Variants in VPS35 observed in about 807,000 individuals in gnomAD.
The protein encoded by VPS35 is VPS35 retromer complex component, also known as vacuolar protein sorting-associated protein 35.
Under a neutral mutation model 98.1 loss-of-function variants are expected in VPS35, and 21 were observed. That is an observed-to-expected ratio of 0.21 (90% CI 0.15 to 0.31). The LOEUF is 0.31. Ranked by LOEUF, VPS35 falls within the 10% of genes least tolerant of loss-of-function variation. The pLI, the probability that VPS35 is intolerant of heterozygous loss-of-function variation, is 1.00. For missense variants in VPS35, 554 were observed against 950.8 expected (o/e 0.58, Z 5.49); for synonymous variants, 268 against 318.2 (o/e 0.84, Z 1.68).
intron 1 of VPS35, among the ~76,000 whole-genome samples, chr16:46,685,946 C>A (rs979127310): frequency 1.3e-5 from 2 of 152,094 alleles, no homozygotes; most frequent in Admixed American, 1.3e-4. Context: ...TTTAAATGTA[C>A]AGTTCAGTGG....
At chr16:46,679,390 C>T (rs1966199351) in intron 5 of VPS35, among the ~76,000 whole-genome samples, 1 of 152,172 alleles carries the variant, frequency 6.6e-6, no homozygotes, top group Non-Finnish European at 1.5e-5. Flanking sequence ...AACTCCTCAT[C>T]CTGGGCCAAC....
intron 1 of VPS35, chr16:46,688,504 A>G (rs1567271464): frequency 2.0e-6 from 2 of 987,928 alleles, no homozygotes; most frequent in Non-Finnish European, 2.4e-6. Flanking sequence ...CAAATGCTAA[A>G]GTAAACAATC....
intron 16 of VPS35, chr16:46,660,990 T>C (rs765753084): frequency 2.7e-5 from 10 of 369,028 alleles, no homozygotes; most frequent in South Asian, 6.4e-5. Context: ...CTAGTAATAA[T>C]ACAAAAATTA....
rs1204778484 is a variant in VPS35 at position 46,657,180 on chromosome 16, T to C, written c.*3292A>G. On this transcript the variant is annotated 3_prime_UTR_variant, in exon 17 of 17. Transcript: ENST00000299138. ...TACTCTTGGGAATTCAAGTGTATGGTAAATGTGTAGATACTGGCACCTGAA... is the reference window on the plus strand; with the variant it reads ...TACTCTTGGGAATTCAAGTGTATGGCAAATGTGTAGATACTGGCACCTGAA... 6.6e-6 allele frequency: 1 copy of C among 152,192 alleles called. No homozygotes were observed. The highest frequency in any genetic ancestry group is 1.5e-5 in the Non-Finnish European group (1 of 68,050). The allele number at this position is 152,192 out of a possible 1,614,324, so 9.4% of individuals were successfully genotyped here.
At chr16:46,678,305 TAAAAAAAAAAAAAAAAAAAAAA>T (rs58288436) in intron 6 of VPS35, among the ~76,000 whole-genome samples, 3 of 119,358 alleles carry the variant, frequency 2.5e-5, no homozygotes, top group South Asian at 2.7e-4. Context: ...TGATGAGCTT[TAAAAAAAAAAAAAAAAAAAAAA>T]AAAAAAAGCA....
chr16:46,660,926 A>G, intron 16 of VPS35: 1 of 442,238 alleles, frequency 2.3e-6, no homozygotes, highest in South Asian at 1.8e-5. Flanking sequence ...TGGGCAGATC[A>G]CTTGAAGTCA....
chr16:46,664,977 C>G (rs908562154), intron 13 of VPS35, among the ~76,000 whole-genome samples: 3 of 152,140 alleles, frequency 2.0e-5, no homozygotes, highest in African/African-American at 7.2e-5. Flanking sequence ...TCTATATACA[C>G]TAAGCTTTAT....
At chr16:46,682,302 T>C in intron 2 of VPS35, 127 bp from the exon 3 acceptor site, 3 of 766,404 alleles carry the variant, frequency 3.9e-6, no homozygotes, top group Non-Finnish European at 6.6e-6. Context: ...TAAATGATTT[T>C]AACCACATTA....
rs748655024 is a variant in VPS35 at position 46,674,627 on chromosome 16, A to G, written c.948T>C (p.Pro316=). The G allele has an allele frequency of 8.1e-6, 13 of 1,611,808 alleles. No individual in the cohort carries two copies. In the South Asian group the frequency reaches 1.4e-4, roughly 18 times the overall value. The change falls in exon 9 of 17, where the codon CCT becomes CCC. Residue 316 remains proline, a synonymous_variant. Coordinates refer to ENST00000299138, the MANE Select transcript of VPS35 (RefSeq NM_018206.6). ...AAAGTTTAATATCCGCTGGGATTCC[A>G]GGTCCATCTTCACGGTGAGCAAATA... is the stretch of plus-strand genomic sequence containing the variant. ...LALFAHREDG[P]GIPADIKLFD...
intron 12 of VPS35, 141 bp downstream of exon 12, chr16:46,671,564 C>G: frequency 8.0e-7 from 1 of 1,242,444 alleles, no homozygotes; most frequent in Non-Finnish European, 1.1e-6. Context: ...CTCCGCCTCC[C>G]AGGTTCAAGT....
Position 46,689,166 on chromosome 16 carries a change from C to T in VPS35, c.-33G>A. 6.2e-7 allele frequency: 1 copy of T among 1,603,882 alleles called. No homozygotes were observed. Among genetic ancestry groups the T allele is most frequent in the African/African-American group, 1.3e-5 (1 of 74,936 alleles). On this transcript the variant is annotated 5_prime_UTR_variant, in exon 1 of 17. Coordinates refer to ENST00000299138, the MANE Select transcript of VPS35 (RefSeq NM_018206.6). ...CCCCAGAGCCTGCAGCAAGCAGCAC[C>T]CGCCCCGCGCGTAGCCTCCCGCGGT...
rs754989523 is a variant in VPS35, at chr16:46,683,472, G to C, written c.102+36C>G. On this transcript the variant is annotated intron_variant, in intron 2 of 16. Transcript: ENST00000299138. Reference sequence around the variant, plus strand: ...TGCACATGCTTCCTTAGGAACACACGAACTGCAACTGTGCCTCCCACATCT... The same window carrying C: ...TGCACATGCTTCCTTAGGAACACACCAACTGCAACTGTGCCTCCCACATCT... The C allele has an allele frequency of 2.1e-5, 33 of 1,588,244 alleles. No individual in the cohort carries two copies. The South Asian group carries it at 3.1e-4, about 15-fold the overall frequency.
At position 46,661,895 on chromosome 16, in the gene VPS35, T is replaced by C. The variant is rs761099775; in HGVS notation, c.2068-34A>G. The C allele has an allele frequency of 2.5e-5, 41 of 1,613,654 alleles. No homozygotes were observed. Among genetic ancestry groups the C allele is most frequent in the Non-Finnish European group, 3.4e-5 (40 of 1,179,888 alleles). On this transcript the variant is annotated intron_variant, in intron 15 of 16. Transcript: ENST00000299138. The surrounding 1 kb of genome is among the most constrained non-coding windows in gnomAD (Gnocchi z 4.3). ...AAAGGGCAGGGGGACAGTGAAGAGA[T>C]TAATGAAACATCTCGTTTTCATACA...
intron 12 of VPS35, among the ~76,000 whole-genome samples, chr16:46,669,666 CAAA>C (rs949838651): frequency 3.3e-5 from 2 of 60,726 alleles, no homozygotes. Flanking sequence ...GATTCCATCT[CAAA>C]AAAAAAAAAA....
At position 46,662,468 on chromosome 16, in the gene VPS35, A is replaced by G. The variant is rs1311569040; in HGVS notation, c.1842T>C (p.Tyr614=). The G allele has an allele frequency of 6.2e-7, 1 of 1,614,094 alleles. No homozygotes were observed. The highest frequency in any genetic ancestry group is 8.5e-7 in the Non-Finnish European group (1 of 1,180,042). ...CTTTGGAATCGCTGATTTCATCTTC[A>G]TACAGAGAAAATGCCTAGTGAACAT... ...YEFMSQAFSL[Y]EDEISDSKAQ... Residue 614 remains tyrosine, a synonymous_variant, in exon 15 of 17, where the codon TAT becomes TAC. Coordinates refer to ENST00000299138, the MANE Select transcript of VPS35 (RefSeq NM_018206.6).
chr16:46,671,965 A>G, intron 11 of VPS35, 105 bp from the exon 12 acceptor site: 1 of 1,482,864 alleles, frequency 6.7e-7, no homozygotes, highest in Non-Finnish European at 9.2e-7. Context: ...AGTATCAACA[A>G]GATATTCCTT....
chr16:46,682,165 T>G lies in VPS35; in HGVS notation c.113A>C (p.Lys38Thr). The change falls in exon 3 of 17, where the codon AAG (lysine) becomes ACG (threonine). Residue 38 changes from lysine to threonine, a missense_variant. Physicochemically the swap from Lys to Thr is moderately conservative, Grantham distance 78. This residue lies in a region of VPS35 where 67 missense variants were observed against 103.3 expected (regional missense o/e 0.65). Transcript: ENST00000299138. Reference protein sequence around the residue: ...FQMKRCLDKNKLMDALKHASN... With the variant: ...FQMKRCLDKNTLMDALKHASN... ...AGCATGTTTTAGAGCATCCATAAGC[T>G]TGTTTTTGTCCTACAGAAATACCAA... The G allele has an allele frequency of 6.2e-7, 1 of 1,613,136 alleles. No homozygotes were observed. The highest frequency in any genetic ancestry group is 8.5e-7 in the Non-Finnish European group (1 of 1,179,226).
chr16:46,679,432 G>GA (rs1966199976), intron 5 of VPS35, among the ~76,000 whole-genome samples: 1 of 152,194 alleles, frequency 6.6e-6, no homozygotes, highest in Admixed American at 6.6e-5. Flanking sequence ...TTCCTTAATT[G>GA]AAAAAGGCTA....
Position 46,662,424 on chromosome 16 carries a change from G to A in VPS35, c.1886C>T (p.Thr629Ile), listed in dbSNP as rs1455397364. The A allele has an allele frequency of 1.2e-6, 2 of 1,614,216 alleles. No individual in the cohort carries two copies. Among genetic ancestry groups the A allele is most frequent in the Non-Finnish European group, 1.7e-6 (2 of 1,180,030 alleles). Residue 629 changes from threonine to isoleucine, a missense_variant, in exon 15 of 17, where the codon ACC becomes ATC. Thr to Ile is a moderately conservative substitution (Grantham distance 89, BLOSUM62 -1). Coordinates refer to ENST00000299138, the MANE Select transcript of VPS35 (RefSeq NM_018206.6). Reference protein sequence around the residue: ...SDSKAQLAAITLIIGTFERMK... With the variant: ...SDSKAQLAAIILIIGTFERMK... ...CCTTTCAAAAGTGCCAATGATCAAG[G>A]TGATGGCAGCTAGCTGTGCTTTGGA... is the stretch of plus-strand genomic sequence containing the variant.
Sources: gnomAD v4.1 joint callset for allele counts (sites outside exome capture counted in the v4.1 genomes callset) on GRCh38, gnomAD v4.1.1 for gene constraint, gnomAD v4.1.1 regional missense constraint, Gnocchi (gnomAD v3.1) non-coding constraint, MANE v1.5 for transcripts, NCBI Gene and HGNC (gene_info 2026-07-23, HGNC 2026-07-21) for gene names.